The following C7orf78 variants were observed in gnomAD, a reference collection of about 807,000 sequenced individuals.
C7orf78 encodes the protein putative uncharacterized protein C7orf78.
the C7orf78 span, among the ~76,000 whole-genome samples, chr7:12,511,951 AT>A: frequency 2.9e-5 from 2 of 69,864 alleles, no homozygotes; most frequent in African/African-American, 1.1e-4. Context: ...TTTTTTTTGT[AT>A]TTTCAGTAGA....
the C7orf78 span, among the ~76,000 whole-genome samples, chr7:12,497,574 G>A: frequency 3.3e-5 from 5 of 152,294 alleles, no homozygotes; most frequent in South Asian, 8.3e-4. Context: ...CACCCGGCTC[G>A]GAGGGTCCTA....
the C7orf78 span, among the ~76,000 whole-genome samples, chr7:12,509,714 T>C: frequency 6.6e-6 from 1 of 152,216 alleles, no homozygotes; most frequent in South Asian, 2.1e-4. Flanking sequence ...AGTGAGAACA[T>C]GCAGTGTTTG....
chr7:12,538,697 G>C, the C7orf78 span, among the ~76,000 whole-genome samples: 50 of 152,022 alleles, frequency 3.3e-4, 1 homozygote, highest in South Asian at 2.7e-3. Flanking sequence ...AAGATGGCTG[G>C]AGCTCATCAA....
the C7orf78 span, among the ~76,000 whole-genome samples, chr7:12,520,440 A>G: frequency 6.6e-6 from 1 of 151,884 alleles, no homozygotes; most frequent in Admixed American, 6.5e-5. Context: ...TTGTATTTCC[A>G]TTTTCATTTG....
the C7orf78 span, among the ~76,000 whole-genome samples, chr7:12,537,763 A>ATTTT: frequency 6.6e-6 from 1 of 152,330 alleles, no homozygotes; most frequent in East Asian, 1.9e-4. Context: ...TATACATAAA[A>ATTTT]GTATCCATTT....
the C7orf78 span, among the ~76,000 whole-genome samples, chr7:12,529,635 A>G: frequency 3.9e-5 from 6 of 152,330 alleles, no homozygotes; most frequent in African/African-American, 1.4e-4. Context: ...ACATAAATCA[A>G]TACATGTAAG....
At chr7:12,507,813 T>C in the C7orf78 span, among the ~76,000 whole-genome samples, 1 of 152,212 alleles carries the variant, frequency 6.6e-6, no homozygotes, top group African/African-American at 2.4e-5. Flanking sequence ...AACAAAGTTA[T>C]ATATTTAAAA....
chr7:12,518,506 G>A, the C7orf78 span, among the ~76,000 whole-genome samples: 2 of 152,156 alleles, frequency 1.3e-5, no homozygotes. Flanking sequence ...GGCAGTGGCT[G>A]TGATTGGCTG....
chr7:12,512,808 T>A, the C7orf78 span, among the ~76,000 whole-genome samples: 1 of 152,200 alleles, frequency 6.6e-6, no homozygotes, highest in Non-Finnish European at 1.5e-5. Flanking sequence ...TCAGTCTTTG[T>A]ATTTTCTTTG....
chr7:12,523,708 G>C, the C7orf78 span, among the ~76,000 whole-genome samples: 2 of 152,096 alleles, frequency 1.3e-5, no homozygotes, highest in African/African-American at 4.8e-5. Context: ...CAAGAGAACA[G>C]GTTGGGTTTA....
the C7orf78 span, among the ~76,000 whole-genome samples, chr7:12,485,068 A>ATCAT: frequency 6.6e-6 from 1 of 151,892 alleles, no homozygotes; most frequent in African/African-American, 2.4e-5. Flanking sequence ...TCTCTACACC[A>ATCAT]TCATTCACTA....
At chr7:12,497,947 C>G in the C7orf78 span, among the ~76,000 whole-genome samples, 4 of 148,948 alleles carry the variant, frequency 2.7e-5, no homozygotes, top group African/African-American at 4.9e-5. Flanking sequence ...AGCAGCCTAA[C>G]TGGGAGGCAC....
the C7orf78 span, among the ~76,000 whole-genome samples, chr7:12,503,300 T>C: frequency 6.6e-6 from 1 of 152,078 alleles, no homozygotes; most frequent in South Asian, 2.1e-4. Flanking sequence ...TATGAGATAA[T>C]TGGAAACTTG....
the C7orf78 span, chr7:12,528,945 T>G: frequency 5.0e-6 from 2 of 398,358 alleles, no homozygotes; most frequent in Non-Finnish European, 8.9e-6. Context: ...AGAAGACTAG[T>G]ACAGAAAGAT....
At chr7:12,531,875 C>T in the C7orf78 span, among the ~76,000 whole-genome samples, 11 of 152,046 alleles carry the variant, frequency 7.2e-5, no homozygotes, top group East Asian at 3.9e-4. Context: ...AGAGAAACAT[C>T]GGAAAAAGGG....
chr7:12,528,788 A>T, the C7orf78 span: 21 of 395,630 alleles, frequency 5.3e-5, no homozygotes, highest in Non-Finnish European at 8.5e-5. Flanking sequence ...TCTATAAATT[A>T]TCCAGCGACT....
chr7:12,522,118 A>G, the C7orf78 span, among the ~76,000 whole-genome samples: 1 of 152,076 alleles, frequency 6.6e-6, no homozygotes, highest in Non-Finnish European at 1.5e-5. Context: ...AACATTTAGA[A>G]TTTTGATGAT....
the C7orf78 span, among the ~76,000 whole-genome samples, chr7:12,487,516 A>C: frequency 2.0e-5 from 3 of 152,052 alleles, no homozygotes; most frequent in Non-Finnish European, 4.4e-5. Flanking sequence ...AAACTCCTCC[A>C]TTTATTTCCT....
At chr7:12,513,774 G>A in the C7orf78 span, among the ~76,000 whole-genome samples, 12 of 151,622 alleles carry the variant, frequency 7.9e-5, no homozygotes, top group Admixed American at 2.6e-4. Context: ...GCCGAGGCGG[G>A]TGGATCACGA....
Sources: gnomAD v4.1 joint callset for allele counts (sites outside exome capture counted in the v4.1 genomes callset) on GRCh38, gnomAD v4.1.1 for gene constraint, MANE v1.5 for transcripts, NCBI Gene and HGNC (gene_info 2026-07-23, HGNC 2026-07-21) for gene names.